The following REX1BD variants were observed in gnomAD, a reference collection of about 807,000 sequenced individuals.
The protein encoded by REX1BD is required for excision 1-B domain containing.
In REX1BD, 22 loss-of-function variants were observed where a neutral mutation model predicts 24.4. The ratio of observed to expected loss-of-function variants is 0.90; its 90% confidence interval spans 0.64 to 1.29. The LOEUF is 1.29. Ranked by LOEUF, REX1BD falls within the 50% of genes most tolerant of loss-of-function variation. The pLI, the probability that REX1BD is intolerant of heterozygous loss-of-function variation, is 0.00. For synonymous variants in REX1BD, 146 were observed against 125.9 expected (o/e 1.16, Z -1.07); for missense variants, 293 against 285.3 (o/e 1.03, Z -0.19).
rs376587096 is a variant in REX1BD at position 18,589,078 on chromosome 19, G to A, written c.182+1G>A. The A allele has an allele frequency of 2.7e-6, 4 of 1,504,968 alleles. No homozygotes were observed. The highest frequency in any genetic ancestry group is 2.0e-4 in the Middle Eastern group (1 of 5,120). 93.2% of individuals were successfully genotyped at this position (1,504,968 alleles called of 1,614,324 possible). A position where few individuals can be genotyped will look rare whatever the true frequency, so the allele number is the denominator to read the frequency against. ...CGCAGGGCTTCCGCCGACTGGAGGA[G>A]TGAGTGGGGGCGCGGAGGGGCTCAG... On this transcript the variant is annotated splice_donor_variant, in intron 2 of 4. Transcript: ENST00000358607. LOFTEE classifies it high-confidence loss of function.
At position 18,589,031 on chromosome 19, in the gene REX1BD, C is replaced by T; in HGVS notation, c.136C>T (p.His46Tyr). The change falls in exon 2 of 5, where the codon CAC becomes TAC. Residue 46 changes from histidine to tyrosine, a missense_variant. By Grantham distance (83) the His-to-Tyr change is moderately conservative (BLOSUM62 2). Coordinates refer to ENST00000358607, the MANE Select transcript of REX1BD (RefSeq NM_001100418.2). The stretch of plus-strand genomic sequence containing the variant: ...GATCCGGACGCTGGTGCAGCGCATC[C>T]ACCAGCTGCAGGCTGAGCGCGCGCA... Reference protein sequence around the residue: ...APIRTLVQRIHQLQAERAQGF... With the variant: ...APIRTLVQRIYQLQAERAQGF... 1.3e-6 allele frequency: 2 copies of T among 1,527,418 alleles called. No individual in the cohort carries two copies. Among genetic ancestry groups the T allele is most frequent in the Non-Finnish European group, 1.7e-6 (2 of 1,143,546 alleles). The allele number at this position is 1,527,418 out of a possible 1,614,324, so 94.6% of individuals were successfully genotyped here. A position where few individuals can be genotyped will look rare whatever the true frequency, so the allele number is the denominator to read the frequency against.
chr19:18,590,892 G>T lies in REX1BD; in HGVS notation c.492G>T (p.Ala164=). 6.2e-7 allele frequency: 1 copy of T among 1,604,374 alleles called. No homozygotes were observed. ...AGTTGATGGAGACGCCAGAGCTGGC[G>T]GGGCAGGAGGACGCTGTACGGATGC... ...LLQLMETPEL[A]GQEDAVRMQQ... Residue 164 remains alanine (A), a synonymous_variant, in exon 4 of 5, where the codon GCG becomes GCT. Transcript: ENST00000358607.
intron 4 of REX1BD, 177 bp downstream of exon 4, chr19:18,591,110 G>C (rs1262132974): frequency 3.4e-6 from 2 of 583,798 alleles, no homozygotes; most frequent in Non-Finnish European, 5.8e-6. Flanking sequence ...CAGTTTCGCT[G>C]TGCATTGCTG....
chr19:18,590,757 T>C (rs1976023775), intron 3 of REX1BD, 97 bp from the exon 4 acceptor site: 1 of 1,256,224 alleles, frequency 8.0e-7, no homozygotes, highest in African/African-American at 1.5e-5. Context: ...GGGCACTGCC[T>C]TTCTGGGTGC....
chr19:18,589,181 G>T (rs1300352474), intron 2 of REX1BD, 104 bp downstream of exon 2: 1 of 1,485,674 alleles, frequency 6.7e-7, no homozygotes, highest in Non-Finnish European at 8.9e-7. Flanking sequence ...GTCCTTGTGT[G>T]GCTGCAGAGT....
intron 2 of REX1BD, 167 bp from the exon 3 acceptor site, chr19:18,589,246 C>T (rs1364426881): frequency 6.5e-7 from 1 of 1,531,906 alleles, no homozygotes; most frequent in Non-Finnish European, 8.7e-7. Flanking sequence ...AAAAAGGCCC[C>T]ACAGCACGTC....
chr19:18,591,942 C>T lies in REX1BD; in HGVS notation c.534-166C>T, dbSNP rs1350227534. Reference sequence around the variant, plus strand: ...ACTGTGACCTATGGGGCCACCCCTTCTCCCTAGCACCTAAGTGTTCCCTCT... The same window carrying T: ...ACTGTGACCTATGGGGCCACCCCTTTTCCCTAGCACCTAAGTGTTCCCTCT... On this transcript the variant is annotated intron_variant, in intron 4 of 4. Coordinates refer to ENST00000358607, the MANE Select transcript of REX1BD (RefSeq NM_001100418.2). The T allele has an allele frequency of 4.2e-6, 3 of 712,272 alleles. No homozygotes were observed. The African/African-American group carries it at 5.3e-5, about 13-fold the overall frequency. The allele number at this position is 712,272 out of a possible 1,614,324, so 44.1% of individuals were successfully genotyped here. A position where few individuals can be genotyped will look rare whatever the true frequency, so the allele number is the denominator to read the frequency against.
rs1976059932 is a variant in REX1BD, at chr19:18,592,258, G to A, written c.*78G>A. 1 of 1,556,056 alleles carries A rather than the reference G, an allele frequency of 6.4e-7. No homozygotes were observed. The highest frequency in any genetic ancestry group is 1.7e-5 in the Admixed American group (1 of 59,106). On this transcript the variant is annotated 3_prime_UTR_variant, in exon 5 of 5. Coordinates refer to ENST00000358607, the MANE Select transcript of REX1BD (RefSeq NM_001100418.2). ...CCCAGCCCAGCCCTAACTGCCAGCT[G>A]GCTGGGGTTGCGCCCCACTGCGCTG...
At chr19:18,590,240 A>G (rs1976013478) in intron 3 of REX1BD, 1 of 65,918 alleles carries the variant, frequency 1.5e-5, no homozygotes, top group South Asian at 3.8e-4. Context: ...TTTTTTTTTA[A>G]GACAGGCTCT....
intron 3 of REX1BD, chr19:18,590,629 A>G: frequency 2.0e-6 from 1 of 505,822 alleles, no homozygotes; most frequent in East Asian, 3.7e-5. Flanking sequence ...TTCCCAGGCC[A>G]CGCCCACATC....
At chr19:18,589,241 G>T in intron 2 of REX1BD, 164 bp downstream of exon 2, 1 of 1,528,102 alleles carries the variant, frequency 6.5e-7, no homozygotes, top group Non-Finnish European at 8.8e-7. Flanking sequence ...TCACGAAAAA[G>T]GCCCCACAGC....
chr19:18,591,264 A>C, intron 4 of REX1BD: 1 of 226,500 alleles, frequency 4.4e-6, no homozygotes, highest in Admixed American at 5.6e-5. Flanking sequence ...ACATTTGACA[A>C]AGTCACACTT....
chr19:18,589,793 C>A, intron 3 of REX1BD, 110 bp downstream of exon 3: 1 of 1,355,682 alleles, frequency 7.4e-7, no homozygotes, highest in Non-Finnish European at 9.6e-7. Flanking sequence ...AGACCTCACC[C>A]CTTCCTGTCC....
chr19:18,592,244 CCTAA>C lies in REX1BD; in HGVS notation c.*67_*70del. 15 of 1,590,972 alleles carry C rather than the reference CCTAA, an allele frequency of 9.4e-6. No individual in the cohort carries two copies. Among genetic ancestry groups the C allele is most frequent in the Admixed American group, 1.7e-5 (1 of 59,750 alleles). On this transcript the variant is annotated 3_prime_UTR_variant, in exon 5 of 5. Transcript: ENST00000358607. Reference sequence around the variant, plus strand: ...CGGGGCGGATGGCGCCCAGCCCAGCCCTAACTGCCAGCTGGCTGGGGTTGCGCCC... The same window carrying C: ...CGGGGCGGATGGCGCCCAGCCCAGCCCTGCCAGCTGGCTGGGGTTGCGCCC...
rs1975976901 is a variant in REX1BD, at chr19:18,589,023, A to C, written c.128A>C (p.Gln43Pro). Residue 43 changes from glutamine to proline, a missense_variant, in exon 2 of 5, where the codon CAG (glutamine) becomes CCG (proline). Transcript: ENST00000358607. ...WKDAPIRTLV[Q>P]RIHQLQAERA... ...GACGCCCCGATCCGGACGCTGGTGCAGCGCATCCACCAGCTGCAGGCTGAG... is the reference window on the plus strand; with the variant it reads ...GACGCCCCGATCCGGACGCTGGTGCCGCGCATCCACCAGCTGCAGGCTGAG... The C allele has an allele frequency of 6.5e-7, 1 of 1,527,666 alleles. No individual in the cohort carries two copies. The allele number at this position is 1,527,666 out of a possible 1,614,324, so 94.6% of individuals were successfully genotyped here.
At chr19:18,589,900 C>T (rs1253100179) in intron 3 of REX1BD, 8 of 621,334 alleles carry the variant, frequency 1.3e-5, no homozygotes, top group African/African-American at 7.8e-5. Flanking sequence ...TCCTTATTCC[C>T]AGAGCACTCC....
Position 18,589,765 on chromosome 19 carries a change from T to C in REX1BD, c.453+82T>C, listed in dbSNP as rs976209024. On this transcript the variant is annotated intron_variant, in intron 3 of 4. Coordinates refer to ENST00000358607, the MANE Select transcript of REX1BD (RefSeq NM_001100418.2). Reference sequence around the variant, plus strand: ...TGACGCACCCCTGGTTGGGGGGTGGTCCCAGTATCCCATACACAGACCTCA... The same window carrying C: ...TGACGCACCCCTGGTTGGGGGGTGGCCCCAGTATCCCATACACAGACCTCA... 33 of 1,423,228 alleles carry C rather than the reference T, an allele frequency of 2.3e-5. No individual in the cohort carries two copies. The African/African-American group carries it at 4.5e-4, about 20-fold the overall frequency. The allele number at this position is 1,423,228 out of a possible 1,614,324, so 88.2% of individuals were successfully genotyped here. A position where few individuals can be genotyped will look rare whatever the true frequency, so the allele number is the denominator to read the frequency against.
Position 18,592,114 on chromosome 19 carries a change from T to A in REX1BD, c.540T>A (p.Ile180=). The change falls in exon 5 of 5, where the codon ATT becomes ATA. Residue 180 remains isoleucine (I), a synonymous_variant. Transcript: ENST00000358607. ...TTCCCATCCGCTCTTGTAGGGTAAT[T>A]AAAACCATGGAGGCGATCAGCGAGG... ...VRMQQLKMKV[I]KTMEAISEVL... 1 of 1,614,028 alleles carries A rather than the reference T, an allele frequency of 6.2e-7. No individual in the cohort carries two copies. Among genetic ancestry groups the A allele is most frequent in the Non-Finnish European group, 8.5e-7 (1 of 1,180,018 alleles).
rs2145323209 is a variant in REX1BD, at chr19:18,592,153, T to C, written c.579T>C (p.Leu193=). The change falls in exon 5 of 5, where the codon CTT becomes CTC. Residue 193 remains leucine, a synonymous_variant. Transcript: ENST00000358607. ...CGATCAGCGAGGTTCTCCAGGACCT[T>C]AGGTTTGATGCGGAATCTGCCGAGT... is the stretch of plus-strand genomic sequence containing the variant. ...MEAISEVLQD[L]RFDAESAE is the part of the protein sequence containing the mutation. 1 of 1,614,028 alleles carries C rather than the reference T, an allele frequency of 6.2e-7. No homozygotes were observed.
Sources: allele counts gnomAD v4.1 joint callset, GRCh38; gene constraint gnomAD v4.1.1; transcripts MANE v1.5; gene names NCBI Gene and HGNC (gene_info 2026-07-23, HGNC 2026-07-21).